The following VLDLR variants were observed in gnomAD, a reference collection of about 807,000 sequenced individuals.
VLDLR encodes the protein very low-density lipoprotein receptor.
VLDLR carries 81 observed loss-of-function variants against 112.7 expected under a neutral mutation model. That is an observed-to-expected ratio of 0.72 (90% CI 0.60 to 0.86). The LOEUF is 0.86. VLDLR is among the 40% of genes least tolerant of loss of function. The probability of loss-of-function intolerance (pLI) is 0.00; values close to 1 mark genes in which losing one functional copy is unlikely to be tolerated. For missense variants in VLDLR, 1,237 were observed against 1,099.4 expected (o/e 1.13, Z -1.77); for synonymous variants, 436 against 384.8 (o/e 1.13, Z -1.56).
In VLDLR at chr9:2,622,157, G is replaced by GGCT. The variant is rs1187193487; in HGVS notation, c.-31_-30insTGC. On this transcript the variant is annotated 5_prime_UTR_variant, in exon 1 of 19. Coordinates refer to ENST00000382100, the MANE Select transcript of VLDLR (RefSeq NM_003383.5). ...GTCGTGCGGAGCGAACGGCGGCGGC[G>GGCT]GCGGCGGCGGCGGCACCATCCAGGC... 7.0e-7 allele frequency: 1 copy of GGCT among 1,431,008 alleles called. No individual in the cohort carries two copies. 88.6% of individuals were successfully genotyped at this position (1,431,008 alleles called of 1,614,324 possible).
At chr9:2,633,922 C>G (rs997091341) in intron 1 of VLDLR, among the ~76,000 whole-genome samples, 1 of 152,174 alleles carries the variant, frequency 6.6e-6, no homozygotes, top group Non-Finnish European at 1.5e-5. Flanking sequence ...GTGATGCTTC[C>G]TGACAACAAT....
chr9:2,633,849 TGAGGGGA>T (rs1817477950), intron 1 of VLDLR, among the ~76,000 whole-genome samples: 1 of 152,092 alleles, frequency 6.6e-6, no homozygotes, highest in South Asian at 2.1e-4. Flanking sequence ...CCAGTGGCAA[TGAGGGGA>T]GAGGGGAGAG....
At chr9:2,623,206 C>T (rs915401446) in intron 1 of VLDLR, among the ~76,000 whole-genome samples, 21 of 152,300 alleles carry the variant, frequency 1.4e-4, no homozygotes, top group African/African-American at 5.1e-4. Context: ...ACTGTCGGGT[C>T]CCCAGACTCT....
chr9:2,634,468 G>A (rs559867786), intron 1 of VLDLR, among the ~76,000 whole-genome samples: 7 of 152,230 alleles, frequency 4.6e-5, no homozygotes, highest in South Asian at 2.1e-4. Context: ...GCCTTTTATC[G>A]TGAAGCAATC....
chr9:2,634,974 A>G (rs1178963680), intron 1 of VLDLR, among the ~76,000 whole-genome samples: 1 of 152,200 alleles, frequency 6.6e-6, no homozygotes, highest in East Asian at 1.9e-4. Context: ...GTTTCAACAA[A>G]TGAGAGAAAT....
In VLDLR at chr9:2,653,869, C is replaced by T. The variant is rs745715137; in HGVS notation, c.*1C>T. On this transcript the variant is annotated 3_prime_UTR_variant, in exon 19 of 19. Coordinates refer to ENST00000382100, the MANE Select transcript of VLDLR (RefSeq NM_003383.5). ...AAGCACAGATGATGATCTAGCTTGA[C>T]TTCTGTGACAAATGTTGACCTTTGA... 6.2e-7 allele frequency: 1 copy of T among 1,613,904 alleles called. No individual in the cohort carries two copies. Among genetic ancestry groups the T allele is most frequent in the South Asian group, 1.1e-5 (1 of 91,074 alleles).
chr9:2,627,142 G>T (rs1208970768), intron 1 of VLDLR, among the ~76,000 whole-genome samples: 3 of 152,212 alleles, frequency 2.0e-5, no homozygotes, highest in Admixed American at 2.0e-4. Context: ...TGGAATAGAA[G>T]CTCTGAAGAG....
chr9:2,652,000 C>T, intron 17 of VLDLR, 46 bp downstream of exon 17: 4 of 1,584,858 alleles, frequency 2.5e-6, no homozygotes, highest in Non-Finnish European at 3.5e-6. Flanking sequence ...TTCTTAGATA[C>T]CAGATGAAGA....
chr9:2,635,072 A>C (rs1434035353), intron 1 of VLDLR, among the ~76,000 whole-genome samples: 1 of 152,194 alleles, frequency 6.6e-6, no homozygotes, highest in African/African-American at 2.4e-5. Flanking sequence ...GCCCGAGATC[A>C]CTATTCCAGC....
chr9:2,633,458 C>T (rs1407077030), intron 1 of VLDLR, among the ~76,000 whole-genome samples: 5 of 152,092 alleles, frequency 3.3e-5, no homozygotes, highest in African/African-American at 1.2e-4. Context: ...AGGTTGTCTT[C>T]CAGGTACCTT....
At chr9:2,627,170 G>A (rs1361874806) in intron 1 of VLDLR, among the ~76,000 whole-genome samples, 1 of 152,204 alleles carries the variant, frequency 6.6e-6, no homozygotes, top group East Asian at 1.9e-4. Flanking sequence ...CAGATCCAGT[G>A]TTTAAGACTT....
Position 2,638,634 on chromosome 9 carries a change from G to A in VLDLR, c.203-1225G>A, listed in dbSNP as rs140536621. Among the ~76,000 whole-genome samples, 1,319 of 152,258 alleles carry A rather than the reference G, an allele frequency of 8.7e-3. 5 individuals are homozygous for A. Among genetic ancestry groups the A allele is most frequent in the African/African-American group, 0.016 (656 of 41,558 alleles). On this transcript the variant is annotated intron_variant, in intron 2 of 18. Transcript: ENST00000382100. ...CATGGGTAGGATAATCAAGCTGCCC[G>A]ATTTGCTTAGGACAGTCCTGGTTTA...
chr9:2,624,227 A>G (rs1816977846), intron 1 of VLDLR, among the ~76,000 whole-genome samples: 1 of 152,226 alleles, frequency 6.6e-6, no homozygotes, highest in South Asian at 2.1e-4. Flanking sequence ...AAATTCTTCA[A>G]AGGAGAGGAA....
At position 2,622,069 on chromosome 9, in the gene VLDLR, C is replaced by G; in HGVS notation, c.-121C>G. 1.0e-6 allele frequency: 1 copy of G among 965,972 alleles called. No homozygotes were observed. Among genetic ancestry groups the G allele is most frequent in the Non-Finnish European group, 1.5e-6 (1 of 681,978 alleles). The allele number at this position is 965,972 out of a possible 1,614,324, so 59.8% of individuals were successfully genotyped here. ...CCTTCCCCCGCCAACTCCTTCCCCT[C>G]CTTCTCCCCCTTTCCCCTCCCCGCC... is the stretch of plus-strand genomic sequence containing the variant. On this transcript the variant is annotated 5_prime_UTR_variant, in exon 1 of 19. Transcript: ENST00000382100.
intron 1 of VLDLR, among the ~76,000 whole-genome samples, chr9:2,629,403 A>C (rs1817238381): frequency 6.6e-6 from 1 of 152,240 alleles, no homozygotes; most frequent in Admixed American, 6.5e-5. Flanking sequence ...CTCCATCTCA[A>C]CAACAAGGCT....
chr9:2,633,088 G>GTGT (rs59441983), intron 1 of VLDLR, among the ~76,000 whole-genome samples: 1 of 148,568 alleles, frequency 6.7e-6, no homozygotes, highest in Non-Finnish European at 1.5e-5. Flanking sequence ...GTGTGTGTGT[G>GTGT]GTTGAGAGAG....
In VLDLR at chr9:2,651,492, C is replaced by A. The variant is rs1411952013; in HGVS notation, c.2329C>A (p.Pro777Thr). 6.2e-7 allele frequency: 1 copy of A among 1,612,396 alleles called. No homozygotes were observed. Among genetic ancestry groups the A allele is most frequent in the Admixed American group, 1.7e-5 (1 of 60,014 alleles). ...TEISATSGLVPGGINVTTAVS... is the reference protein window; with the variant it reads ...TEISATSGLVTGGINVTTAVS... ...AATTTCAGCAACTAGTGGACTAGTT[C>A]CTGGAGGTATTGAGTTCAGTACTGC... The change falls in exon 16 of 19, where the codon CCT becomes ACT. Residue 777 changes from proline to threonine, a missense_variant. Pro to Thr is a conservative substitution (Grantham distance 38, BLOSUM62 -1). Coordinates refer to ENST00000382100, the MANE Select transcript of VLDLR (RefSeq NM_003383.5).
rs1360153306 is a variant in VLDLR, at chr9:2,622,304, G to T, written c.82+33G>T. The T allele has an allele frequency of 9.0e-6, 13 of 1,441,596 alleles. No individual in the cohort carries two copies. In the East Asian group the frequency reaches 3.0e-4, roughly 33 times the overall value. 89.3% of individuals were successfully genotyped at this position (1,441,596 alleles called of 1,614,324 possible). ...AGGACGCGCCCCTCCGCCGGCGGGC[G>T]GGACCCAGCCGGGGCACCGGGAGAC... On this transcript the variant is annotated intron_variant, in intron 1 of 18. Transcript: ENST00000382100.
At position 2,651,510 on chromosome 9, in the gene VLDLR, A is replaced by C. The variant is rs1818335849; in HGVS notation, c.2335+12A>C. 1 of 1,606,370 alleles carries C rather than the reference A, an allele frequency of 6.2e-7. No individual in the cohort carries two copies. Among genetic ancestry groups the C allele is most frequent in the Admixed American group, 1.7e-5 (1 of 59,986 alleles). On this transcript the variant is annotated intron_variant, in intron 16 of 18. Transcript: ENST00000382100. Reference sequence around the variant, plus strand: ...ACTAGTTCCTGGAGGTATTGAGTTCAGTACTGCAAACTGTTAATCTCAACT... The same window carrying C: ...ACTAGTTCCTGGAGGTATTGAGTTCCGTACTGCAAACTGTTAATCTCAACT...
Sources: allele counts gnomAD v4.1 joint callset (sites outside exome capture counted in the v4.1 genomes callset), GRCh38; gene constraint gnomAD v4.1.1; transcripts MANE v1.5; gene names NCBI Gene and HGNC (gene_info 2026-07-23, HGNC 2026-07-21).